Variants in REDIC1 observed in about 807,000 individuals in gnomAD.
The protein encoded by REDIC1 is HEI10 Interacting Protein 1.
At chr12:39,792,888 AT>A in the REDIC1 span, among the ~76,000 whole-genome samples, 1 of 151,968 alleles carries the variant, frequency 6.6e-6, no homozygotes, top group Non-Finnish European at 1.5e-5. Context: ...ATTTCTATCA[AT>A]GTGGGGCTTC....
chr12:39,897,835 TA>T, the REDIC1 span, among the ~76,000 whole-genome samples: 105 of 152,260 alleles, frequency 6.9e-4, no homozygotes, highest in Middle Eastern at 0.017. Flanking sequence ...AATATTTTCA[TA>T]AATCACAAAA....
the REDIC1 span, among the ~76,000 whole-genome samples, chr12:39,811,662 G>T: frequency 1.3e-5 from 2 of 151,972 alleles, no homozygotes; most frequent in Non-Finnish European, 2.9e-5. Flanking sequence ...ATTATTAGAG[G>T]AATATACATT....
At chr12:39,789,025 A>T in the REDIC1 span, among the ~76,000 whole-genome samples, 1 of 152,162 alleles carries the variant, frequency 6.6e-6, no homozygotes, top group East Asian at 1.9e-4. Context: ...AAAGTCTGTT[A>T]TACATACAAA....
the REDIC1 span, among the ~76,000 whole-genome samples, chr12:39,884,378 A>C: frequency 1.3e-5 from 2 of 152,174 alleles, no homozygotes; most frequent in Non-Finnish European, 2.9e-5. Flanking sequence ...CCTTCGCCAA[A>C]CTTCGTATTT....
chr12:39,753,982 A>G, the REDIC1 span, among the ~76,000 whole-genome samples: 2 of 152,152 alleles, frequency 1.3e-5, no homozygotes, highest in Admixed American at 1.3e-4. Flanking sequence ...ACATTTGACA[A>G]GAGTCTCTAA....
the REDIC1 span, among the ~76,000 whole-genome samples, chr12:39,900,344 G>C: frequency 6.6e-6 from 1 of 151,858 alleles, no homozygotes; most frequent in Non-Finnish European, 1.5e-5. Flanking sequence ...TGGCCAGGGC[G>C]ATTAGGCAGA....
chr12:39,832,111 T>G, the REDIC1 span, among the ~76,000 whole-genome samples: 1 of 152,110 alleles, frequency 6.6e-6, no homozygotes, highest in Non-Finnish European at 1.5e-5. Flanking sequence ...TCAAATGTAC[T>G]GAGAGGTGAT....
At chr12:39,749,043 A>G in the REDIC1 span, among the ~76,000 whole-genome samples, 3 of 152,194 alleles carry the variant, frequency 2.0e-5, no homozygotes, top group African/African-American at 7.2e-5. Context: ...TTCAAAAGCT[A>G]GCAGAAGGCA....
At chr12:39,873,754 G>A in the REDIC1 span, among the ~76,000 whole-genome samples, 1 of 152,056 alleles carries the variant, frequency 6.6e-6, no homozygotes, top group Admixed American at 6.5e-5. Flanking sequence ...AACAGAATAA[G>A]TTGTCTAAAT....
chr12:39,866,488 T>G, the REDIC1 span, among the ~76,000 whole-genome samples: 5 of 150,298 alleles, frequency 3.3e-5, no homozygotes, highest in African/African-American at 9.7e-5. Flanking sequence ...TTTGAAAGAT[T>G]TTTTTTTTTT....
At chr12:39,849,606 G>A in the REDIC1 span, among the ~76,000 whole-genome samples, 2 of 152,116 alleles carry the variant, frequency 1.3e-5, no homozygotes, top group Non-Finnish European at 2.9e-5. Context: ...GAGTAACTGA[G>A]CAGTTAAGCT....
the REDIC1 span, among the ~76,000 whole-genome samples, chr12:39,867,974 A>T: frequency 6.6e-6 from 1 of 152,240 alleles, no homozygotes; most frequent in Non-Finnish European, 1.5e-5. Flanking sequence ...TAAATTTTTA[A>T]GTAATCACTT....
the REDIC1 span, among the ~76,000 whole-genome samples, chr12:39,809,261 C>G: frequency 1.3e-5 from 2 of 152,116 alleles, no homozygotes; most frequent in African/African-American, 4.8e-5. Flanking sequence ...TATTCTGTTC[C>G]CTTGATGTTT....
chr12:39,706,715 G>A, the REDIC1 span, among the ~76,000 whole-genome samples: 1 of 151,844 alleles, frequency 6.6e-6, no homozygotes, highest in Non-Finnish European at 1.5e-5. Context: ...CATTTCCAGT[G>A]AACTCATTTT....
chr12:39,760,049 T>C, the REDIC1 span: 3 of 1,612,350 alleles, frequency 1.9e-6, no homozygotes, highest in Non-Finnish European at 2.5e-6. Flanking sequence ...GAAGCATCAT[T>C]GTCAGAAAGA....
the REDIC1 span, among the ~76,000 whole-genome samples, chr12:39,678,481 T>C: frequency 2.0e-5 from 3 of 151,832 alleles, no homozygotes; most frequent in African/African-American, 7.3e-5. Flanking sequence ...CGGGACCAGA[T>C]GGATTCACGC....
At chr12:39,635,433 C>A in the REDIC1 span, among the ~76,000 whole-genome samples, 1 of 152,094 alleles carries the variant, frequency 6.6e-6, no homozygotes, top group East Asian at 1.9e-4. Context: ...GAAAATGTGG[C>A]ACATATACAC....
chr12:39,760,976 A>ACACACACACACAC, the REDIC1 span, among the ~76,000 whole-genome samples: 14 of 150,248 alleles, frequency 9.3e-5, no homozygotes, highest in Middle Eastern at 3.5e-3. Context: ...ACACACACAT[A>ACACACACACACAC]ATTGAATTGC....
the REDIC1 span, among the ~76,000 whole-genome samples, chr12:39,833,845 G>C: frequency 2.0e-5 from 3 of 148,950 alleles, no homozygotes; most frequent in African/African-American, 5.0e-5. Context: ...GCACCTTGGA[G>C]CTCACACCCT....
Sources: gnomAD v4.1 joint callset for allele counts (sites outside exome capture counted in the v4.1 genomes callset) on GRCh38, gnomAD v4.1.1 for gene constraint, MANE v1.5 for transcripts, NCBI Gene and HGNC (gene_info 2026-07-23, HGNC 2026-07-21) for gene names.